Variants in CRKL observed in about 807,000 individuals in gnomAD.
CRKL encodes the protein CRK like proto-oncogene, adaptor protein.
In CRKL, 3 loss-of-function variants were observed where a neutral mutation model predicts 23.0. The observed-to-expected ratio is 0.13, with a 90% confidence interval of 0.06 to 0.34. CRKL has a LOEUF of 0.34. Ranked by LOEUF, CRKL falls within the 10% of genes least tolerant of loss-of-function variation. The pLI is 1.00. For synonymous variants in CRKL, 188 were observed against 160.7 expected (o/e 1.17, Z -1.28); for missense variants, 256 against 394.5 (o/e 0.65, Z 2.97).
At position 20,949,911 on chromosome 22, in the gene CRKL, A is replaced by C; in HGVS notation, c.*66A>C. On this transcript the variant is annotated 3_prime_UTR_variant, in exon 3 of 3. Transcript: ENST00000354336. ...GTCCTAGTCTCCTTTGAAGTGGGAA[A>C]GCATTTTCTCTCATAGGCAAGTCAC... 6.5e-7 allele frequency: 1 copy of C among 1,544,254 alleles called. No individual in the cohort carries two copies. The highest frequency in any genetic ancestry group is 8.7e-7 in the Non-Finnish European group (1 of 1,150,446).
chr22:20,931,240 C>G lies in CRKL; in HGVS notation c.312-2539C>G, dbSNP rs187470996. 3.6e-3 allele frequency among the ~76,000 whole-genome samples: 547 copies of G among 152,192 alleles called. 3 individuals carry two copies. Among genetic ancestry groups the G allele is most frequent in the Middle Eastern group, 6.8e-3 (2 of 294 alleles). ...TGAAAACATAGTGAGACCCCCATCT[C>G]TACAGAAAATTTAAAAATTGGCTGT... On this transcript the variant is annotated intron_variant, in intron 1 of 2. Coordinates refer to ENST00000354336, the MANE Select transcript of CRKL (RefSeq NM_005207.4).
At chr22:20,923,621 C>T (rs1275065599) in intron 1 of CRKL, among the ~76,000 whole-genome samples, 2 of 139,350 alleles carry the variant, frequency 1.4e-5, no homozygotes, top group Non-Finnish European at 3.0e-5. Flanking sequence ...TGTTGCCAGG[C>T]TGGAGTGTGG....
chr22:20,917,772 G>C lies in CRKL; in HGVS notation c.-163G>C. On this transcript the variant is annotated 5_prime_UTR_variant, in exon 1 of 3. Coordinates refer to ENST00000354336, the MANE Select transcript of CRKL (RefSeq NM_005207.4). ...GGCGGGCGGCGTCGGAGGATGCTGC[G>C]GGCCCGGAGCCGAGAGGAAAGTGCT... 1 of 679,274 alleles carries C rather than the reference G, an allele frequency of 1.5e-6. No individual in the cohort carries two copies. Among genetic ancestry groups the C allele is most frequent in the Non-Finnish European group, 2.4e-6 (1 of 415,106 alleles). 42.1% of individuals were successfully genotyped at this position (679,274 alleles called of 1,614,324 possible).
rs1193676401 is a variant in CRKL at position 20,917,805 on chromosome 22, C to T, written c.-130C>T. On this transcript the variant is annotated 5_prime_UTR_variant, in exon 1 of 3. Coordinates refer to ENST00000354336, the MANE Select transcript of CRKL (RefSeq NM_005207.4). ...AGCCGAGAGGAAAGTGCTGGCCCAG[C>T]CCTCTGAGCGCTCCTCGAGGTGTGC... The T allele has an allele frequency of 8.0e-6, 7 of 874,468 alleles. No individual in the cohort carries two copies. In the Admixed American group the frequency reaches 1.5e-4, roughly 18 times the overall value. The allele number at this position is 874,468 out of a possible 1,614,324, so 54.2% of individuals were successfully genotyped here.
At chr22:20,941,506 T>G in intron 2 of CRKL, among the ~76,000 whole-genome samples, 1 of 41,990 alleles carries the variant, frequency 2.4e-5, no homozygotes, top group Non-Finnish European at 5.6e-5. Context: ...TACATATGTG[T>G]GTTTGTGTAT....
intron 1 of CRKL, among the ~76,000 whole-genome samples, chr22:20,931,795 ATTT>A (rs1027125781): frequency 1.3e-5 from 2 of 152,008 alleles, no homozygotes; most frequent in African/African-American, 4.8e-5. Context: ...CTAGCTATTT[ATTT>A]TTATTTTTAT....
At chr22:20,948,003 A>G (rs1032086263) in intron 2 of CRKL, among the ~76,000 whole-genome samples, 4 of 152,100 alleles carry the variant, frequency 2.6e-5, no homozygotes, top group Non-Finnish European at 2.9e-5. Context: ...TTTTCACACT[A>G]TGTTATTATC....
chr22:20,927,192 A>ATTTTTTTTTTTTTATTTTTT (rs1921249132), intron 1 of CRKL, among the ~76,000 whole-genome samples: 1 of 81,970 alleles, frequency 1.2e-5, no homozygotes, highest in African/African-American at 5.9e-5. Context: ...TTGGAATTGA[A>ATTTTTTTTTTTTTATTTTTT]TTTTTTTTTT....
chr22:20,919,817 T>C (rs1920971285), intron 1 of CRKL, among the ~76,000 whole-genome samples: 1 of 151,888 alleles, frequency 6.6e-6, no homozygotes, highest in South Asian at 2.1e-4. Context: ...GGACACCAAC[T>C]GTTTGCATAG....
rs57896414 is a variant in CRKL at position 20,928,812 on chromosome 22, C to CAA, written c.312-4943_312-4942dup. On this transcript the variant is annotated intron_variant, in intron 1 of 2. Coordinates refer to ENST00000354336, the MANE Select transcript of CRKL (RefSeq NM_005207.4). ...CGGGCAACAGAACGAGATCCCATCT[C>CAA]AAAAAAAAAAAAAAAAAAAAAAAAA... 2.6e-3 allele frequency among the ~76,000 whole-genome samples: 210 copies of CAA among 81,340 alleles called. 3 individuals carry two copies. Among genetic ancestry groups the CAA allele is most frequent in the Middle Eastern group, 0.021 (3 of 140 alleles). 53.4% of individuals were successfully genotyped at this position (81,340 alleles called of 152,430 possible). A position where few individuals can be genotyped will look rare whatever the true frequency, so the allele number is the denominator to read the frequency against.
chr22:20,931,754 TTTA>T (rs1921460450), intron 1 of CRKL, among the ~76,000 whole-genome samples: 3 of 152,320 alleles, frequency 2.0e-5, no homozygotes, highest in South Asian at 2.1e-4. Flanking sequence ...GTATGAGCTC[TTTA>T]TTATTACTCT....
At chr22:20,921,174 T>G (rs920603011) in intron 1 of CRKL, among the ~76,000 whole-genome samples, 1 of 152,226 alleles carries the variant, frequency 6.6e-6, no homozygotes, top group African/African-American at 2.4e-5. Flanking sequence ...GGCTTAACTT[T>G]GCAGGCATCA....
chr22:20,950,175 T>C lies in CRKL; in HGVS notation c.*330T>C, dbSNP rs1548410. 0.79 allele frequency: 245,114 copies of C among 310,524 alleles called. 97,480 individuals carry two copies. Among genetic ancestry groups the C allele is most frequent in the East Asian group, 0.92 (16,634 of 18,006 alleles). The allele number at this position is 310,524 out of a possible 1,614,324, so 19.2% of individuals were successfully genotyped here. A position where few individuals can be genotyped will look rare whatever the true frequency, so the allele number is the denominator to read the frequency against. On this transcript the variant is annotated 3_prime_UTR_variant, in exon 3 of 3. Coordinates refer to ENST00000354336, the MANE Select transcript of CRKL (RefSeq NM_005207.4). ...CGTTTGTACATGGGACTGATTCTGT[T>C]GTGTTCACCAGAGAAAGCTTGAGGC... is the stretch of plus-strand genomic sequence containing the variant.
chr22:20,942,160 G>A (rs1921906250), intron 2 of CRKL, among the ~76,000 whole-genome samples: 1 of 152,192 alleles, frequency 6.6e-6, no homozygotes, highest in South Asian at 2.1e-4. Context: ...CCTGATATAA[G>A]TAAAATGATA....
At position 20,917,949 on chromosome 22, in the gene CRKL, G is replaced by A; in HGVS notation, c.15G>A (p.Arg5=). The A allele has an allele frequency of 1.9e-6, 3 of 1,613,830 alleles. 1 individual carries two copies. Among genetic ancestry groups the A allele is most frequent in the South Asian group, 2.2e-5 (2 of 91,056 alleles). ...GGTCCAACACCATGTCCTCCGCCAGGTTCGACTCCTCGGACCGCTCCGCCT... is the reference window on the plus strand; with the variant it reads ...GGTCCAACACCATGTCCTCCGCCAGATTCGACTCCTCGGACCGCTCCGCCT... The part of the protein sequence containing the change: MSSA[R]FDSSDRSAWY... Residue 5 remains arginine (R), a synonymous_variant, in exon 1 of 3, where the codon AGG becomes AGA. Transcript: ENST00000354336.
chr22:20,942,900 G>A (rs530594754), intron 2 of CRKL, among the ~76,000 whole-genome samples: 1 of 152,172 alleles, frequency 6.6e-6, no homozygotes, highest in Non-Finnish European at 1.5e-5. Context: ...TTATAGGCAT[G>A]AGCCTCCTAT....
rs750783216 is a variant in CRKL at position 20,934,140 on chromosome 22, G to A, written c.673G>A (p.Ala225Thr). ...ACCTGCAGTTTCCGGTTCTCCTGGG[G>A]CAGCAATCACCCCTTTGCCATCCAC... ...PLPAVSGSPG[A>T]AITPLPSTQN... Residue 225 changes from alanine to threonine, a missense_variant, in exon 2 of 3, where the codon GCA (alanine) becomes ACA (threonine). This residue lies in a region of CRKL where 129 missense variants were observed against 222.1 expected (regional missense o/e 0.58). Transcript: ENST00000354336. 1.2e-6 allele frequency: 2 copies of A among 1,614,156 alleles called. No individual in the cohort carries two copies. The highest frequency in any genetic ancestry group is 1.7e-6 in the Non-Finnish European group (2 of 1,180,028).
At chr22:20,939,482 G>C (rs1371804996) in intron 2 of CRKL, among the ~76,000 whole-genome samples, 1 of 151,810 alleles carries the variant, frequency 6.6e-6, no homozygotes, top group African/African-American at 2.4e-5. Context: ...TCCTGACCTC[G>C]TGATCCACCT....
chr22:20,926,733 G>A (rs903636417), intron 1 of CRKL, among the ~76,000 whole-genome samples: 3 of 152,062 alleles, frequency 2.0e-5, no homozygotes, highest in Non-Finnish European at 4.4e-5. Context: ...CACAAGCATA[G>A]GAGGAGGAGC....
Sources: allele counts gnomAD v4.1 joint callset (sites outside exome capture counted in the v4.1 genomes callset), GRCh38; gene constraint gnomAD v4.1.1; regional missense constraint gnomAD v4.1.1; transcripts MANE v1.5; gene names NCBI Gene and HGNC (gene_info 2026-07-23, HGNC 2026-07-21).